The following ATXN7L1 variants were observed in gnomAD, a reference collection of about 807,000 sequenced individuals.
ATXN7L1 encodes the protein ataxin 7 like 1, also known as ataxin-7-like protein 1.
ATXN7L1 carries 15 observed loss-of-function variants against 70.8 expected under a neutral mutation model. The ratio of observed to expected loss-of-function variants is 0.21; its 90% CI spans 0.14 to 0.33. ATXN7L1 has a LOEUF of 0.33. Among genes scored for constraint, ATXN7L1 ranks in the 10% least tolerant of loss-of-function variants. ATXN7L1 has a pLI of 1.00. For missense variants in ATXN7L1, 975 were observed against 1,097.1 expected, an observed-to-expected ratio of 0.89 and a Z score of 1.57; for synonymous variants, 440 against 445.1, an observed-to-expected ratio of 0.99 and a Z score of 0.14.
intron 3 of ATXN7L1, among the ~76,000 whole-genome samples, chr7:105,686,149 C>T (rs1806161898): frequency 6.6e-6 from 1 of 151,888 alleles, no homozygotes; most frequent in Non-Finnish European, 1.5e-5. Context: ...AAAAAATACA[C>T]AGATGCTCTC....
chr7:105,820,205 T>C (rs1809931592), intron 2 of ATXN7L1: 2 of 244,640 alleles, frequency 8.2e-6, no homozygotes, highest in Non-Finnish European at 1.6e-5. Context: ...CTGATGCCTG[T>C]AGGTCACAGC....
Position 105,789,440 on chromosome 7 carries a change from G to GACAC in ATXN7L1, c.251-736_251-733dup, listed in dbSNP as rs199504477. Reference sequence around the variant, plus strand: ...CAGCTGTGTTAGGGGCTATGGAGGAGACACACGGGGTCCCCTGGGAGTGTG... The same window carrying GACAC: ...CAGCTGTGTTAGGGGCTATGGAGGAGACACACACACGGGGTCCCCTGGGAGTGTG... On this transcript the variant is annotated intron_variant, in intron 2 of 11. Coordinates refer to ENST00000419735, the MANE Select transcript of ATXN7L1 (RefSeq NM_020725.2). Among the ~76,000 whole-genome samples the GACAC allele has an allele frequency of 7.1e-3, 1,082 of 152,334 alleles. 11 individuals carry two copies. Among genetic ancestry groups the GACAC allele is most frequent in the African/African-American group, 0.025 (1,021 of 41,574 alleles).
At chr7:105,621,961 G>A (rs763910395) in intron 8 of ATXN7L1, among the ~76,000 whole-genome samples, 2 of 152,162 alleles carry the variant, frequency 1.3e-5, no homozygotes, top group African/African-American at 4.8e-5. Context: ...ACACTTTTCT[G>A]CACCTTCATG....
At chr7:105,745,090 A>G (rs1798431622) in intron 3 of ATXN7L1, among the ~76,000 whole-genome samples, 1 of 152,194 alleles carries the variant, frequency 6.6e-6, no homozygotes, top group Non-Finnish European at 1.5e-5. Context: ...ATAAGCTTTA[A>G]TCAATGATGT....
intron 8 of ATXN7L1, among the ~76,000 whole-genome samples, chr7:105,623,315 T>C (rs1290582694): frequency 1.3e-5 from 2 of 152,188 alleles, no homozygotes; most frequent in African/African-American, 4.8e-5. Context: ...TGGGGTCCCA[T>C]GTTCTAGGCC....
intron 7 of ATXN7L1, 74 bp downstream of exon 7, chr7:105,638,279 C>T: frequency 1.4e-6 from 2 of 1,463,104 alleles, no homozygotes; most frequent in South Asian, 1.4e-5. Flanking sequence ...TATAATCAGA[C>T]CACATGCCAC....
chr7:105,788,536 C>T, intron 3 of ATXN7L1, 68 bp downstream of exon 3: 1 of 1,306,654 alleles, frequency 7.7e-7, no homozygotes, highest in Non-Finnish European at 1.1e-6. Flanking sequence ...GTCGGGGAGC[C>T]CAGGGGAAGG....
At chr7:105,779,304 A>G (rs1245864759) in intron 3 of ATXN7L1, among the ~76,000 whole-genome samples, 2 of 152,242 alleles carry the variant, frequency 1.3e-5, no homozygotes, top group Non-Finnish European at 2.9e-5. Context: ...TTTAGCACAT[A>G]GTAAGTGCTC....
At chr7:105,660,576 C>CTTTTTTTTTTTTTTT (rs34008024) in intron 4 of ATXN7L1, among the ~76,000 whole-genome samples, 1 of 78,138 alleles carries the variant, frequency 1.3e-5, no homozygotes, top group Non-Finnish European at 2.3e-5. Flanking sequence ...CGGAAGTGAC[C>CTTTTTTTTTTTTTTT]TTTTTTTTTT....
At chr7:105,730,470 C>T (rs966555028) in intron 3 of ATXN7L1, among the ~76,000 whole-genome samples, 17 of 151,952 alleles carry the variant, frequency 1.1e-4, no homozygotes, top group African/African-American at 3.6e-4. Flanking sequence ...TGGTGGCTCA[C>T]GCCTGTAATC....
intron 4 of ATXN7L1, among the ~76,000 whole-genome samples, chr7:105,646,132 C>T (rs950211363): frequency 2.0e-5 from 3 of 150,854 alleles, no homozygotes; most frequent in East Asian, 2.0e-4. Flanking sequence ...GGCAACATAG[C>T]GAGACCATTC....
At chr7:105,822,780 T>C (rs1810343006) in intron 2 of ATXN7L1, among the ~76,000 whole-genome samples, 1 of 152,188 alleles carries the variant, frequency 6.6e-6, no homozygotes, top group African/African-American at 2.4e-5. Context: ...TCATTTCCAT[T>C]CTCCCAGTGA....
chr7:105,689,800 C>T lies in ATXN7L1; in HGVS notation c.356-24512G>A, dbSNP rs527986364. On this transcript the variant is annotated intron_variant, in intron 3 of 11. Coordinates refer to ENST00000419735, the MANE Select transcript of ATXN7L1 (RefSeq NM_020725.2). ...AGGCGAAGGTCCGATGGATCATGTC[C>T]GAGCCCGAGTTTTAGCTTCTCAGCT... Among the ~76,000 whole-genome samples, 12 of 152,298 alleles carry T rather than the reference C, an allele frequency of 7.9e-5. No homozygotes were observed. The South Asian group carries it at 2.3e-3, about 29-fold the overall frequency.
intron 3 of ATXN7L1, among the ~76,000 whole-genome samples, chr7:105,680,353 C>T (rs759712137): frequency 1.3e-5 from 2 of 152,186 alleles, no homozygotes; most frequent in Non-Finnish European, 2.9e-5. Flanking sequence ...GTGAGTCCCC[C>T]GTGGGAGAAT....
intron 2 of ATXN7L1, among the ~76,000 whole-genome samples, chr7:105,808,111 G>C (rs544680374): frequency 6.6e-6 from 1 of 152,170 alleles, no homozygotes. Context: ...CTAGAAAGCA[G>C]GAAAAGGAAG....
chr7:105,819,825 T>A, intron 2 of ATXN7L1: 1 of 631,942 alleles, frequency 1.6e-6, no homozygotes, highest in Non-Finnish European at 3.0e-6. Context: ...CACCGCCCTA[T>A]GACATGAAAA....
At chr7:105,786,448 C>A (rs1804322091) in intron 3 of ATXN7L1, among the ~76,000 whole-genome samples, 1 of 152,192 alleles carries the variant, frequency 6.6e-6, no homozygotes, top group Non-Finnish European at 1.5e-5. Context: ...TTTTGGGTCC[C>A]TTTCAGGATC....
chr7:105,868,435 TA>T (rs1232495658), intron 2 of ATXN7L1, among the ~76,000 whole-genome samples: 4 of 152,128 alleles, frequency 2.6e-5, no homozygotes, highest in Non-Finnish European at 5.9e-5. Flanking sequence ...TTGAGCGTAT[TA>T]AAAACTTGGC....
At chr7:105,765,489 G>C (rs926693822) in intron 3 of ATXN7L1, among the ~76,000 whole-genome samples, 1 of 152,116 alleles carries the variant, frequency 6.6e-6, no homozygotes, top group Non-Finnish European at 1.5e-5. Flanking sequence ...AACAGAGTCT[G>C]AAAGAGGCAG....
Sources: gnomAD v4.1 joint callset for allele counts (sites outside exome capture counted in the v4.1 genomes callset) on GRCh38, gnomAD v4.1.1 for gene constraint, MANE v1.5 for transcripts, NCBI Gene and HGNC (gene_info 2026-07-23, HGNC 2026-07-21) for gene names.